Variants in RHOH observed in about 807,000 individuals in gnomAD.
The protein encoded by RHOH is ras homolog family member H.
Under a neutral mutation model 13.8 loss-of-function variants are expected in RHOH, and 6 were observed. The ratio of observed to expected loss-of-function variants is 0.44; its 90% confidence interval spans 0.24 to 0.86. The LOEUF is 0.86. Ranked by LOEUF, RHOH falls within the 40% of genes least tolerant of loss-of-function variation. The pLI, the probability that RHOH is intolerant of heterozygous loss-of-function variation, is 0.24. For synonymous variants in RHOH, 117 were observed against 103.0 expected (o/e 1.14, Z -0.82); for missense variants, 147 against 244.5 (o/e 0.60, Z 2.66).
rs75925798 is a variant in RHOH, at chr4:40,224,414, T to C, written c.-330-18300T>C. Among the ~76,000 whole-genome samples, 828 of 152,352 alleles carry C rather than the reference T, an allele frequency of 5.4e-3. 22 individuals carry two copies. Among genetic ancestry groups the C allele is most frequent in the South Asian group, 0.042 (202 of 4,828 alleles). The stretch of plus-strand genomic sequence containing the variant: ...ACATCAGTACAACGTGTTGAAAGAA[T>C]TGGAATTGCTGGATTAAAAGGTCTC... On this transcript the variant is annotated intron_variant, in intron 1 of 2. Coordinates refer to ENST00000381799, the MANE Select transcript of RHOH (RefSeq NM_004310.5).
At position 40,244,824 on chromosome 4, in the gene RHOH, G is replaced by C. The variant is rs1400894626; in HGVS notation, c.*862G>C. The C allele has an allele frequency of 1.2e-5, 2 of 171,968 alleles. No homozygotes were observed. The highest frequency in any genetic ancestry group is 6.4e-5 in the Admixed American group (1 of 15,722). The allele number at this position is 171,968 out of a possible 1,614,324, so 10.7% of individuals were successfully genotyped here. On this transcript the variant is annotated 3_prime_UTR_variant, in exon 3 of 3. Coordinates refer to ENST00000381799, the MANE Select transcript of RHOH (RefSeq NM_004310.5). ...AGAGTGTCACTTTCACTTCTGGTAG[G>C]GTGGTTCCCAGGCGACTGCAGGTCC...
intron 1 of RHOH, among the ~76,000 whole-genome samples, chr4:40,215,543 C>T (rs1725772299): frequency 6.6e-6 from 1 of 152,196 alleles, no homozygotes; most frequent in Non-Finnish European, 1.5e-5. Context: ...GGTAATGCCC[C>T]TCTCCAGTTT....
chr4:40,202,036 G>A (rs1724076405), intron 1 of RHOH, among the ~76,000 whole-genome samples: 2 of 141,812 alleles, frequency 1.4e-5, no homozygotes, highest in Admixed American at 1.5e-4. Context: ...ACTCAGCCTT[G>A]ACCTCCTGTG....
intron 1 of RHOH, among the ~76,000 whole-genome samples, chr4:40,237,784 T>A (rs10033592): frequency 6.6e-6 from 1 of 151,576 alleles, no homozygotes; most frequent in Admixed American, 6.6e-5. Flanking sequence ...GGCGATGGAC[T>A]CATATTTTTA....
intron 1 of RHOH, among the ~76,000 whole-genome samples, chr4:40,229,441 G>GA (rs1288893205): frequency 6.6e-6 from 1 of 152,006 alleles, no homozygotes; most frequent in Non-Finnish European, 1.5e-5. Context: ...TTTGAGACCA[G>GA]CCTGACCAAC....
intron 1 of RHOH, among the ~76,000 whole-genome samples, chr4:40,207,651 G>T (rs1215283143): frequency 1.3e-5 from 2 of 152,340 alleles, no homozygotes; most frequent in African/African-American, 4.8e-5. Flanking sequence ...GCAGGGGCTA[G>T]ATGCTTGTGG....
chr4:40,239,840 T>G (rs1320525865), intron 1 of RHOH, among the ~76,000 whole-genome samples: 1 of 151,200 alleles, frequency 6.6e-6, no homozygotes, highest in Non-Finnish European at 1.5e-5. Flanking sequence ...ATCACACCAC[T>G]GCACTCCAGC....
chr4:40,213,611 G>A (rs1352255522), intron 1 of RHOH, among the ~76,000 whole-genome samples: 2 of 152,072 alleles, frequency 1.3e-5, no homozygotes, highest in African/African-American at 2.4e-5. Flanking sequence ...CCAAAGAATC[G>A]CTCTGGTGAG....
chr4:40,197,145 A>C lies in RHOH; in HGVS notation c.-486A>C, dbSNP rs1723234453. ...GTTCTTCCAGTGTGAATCAGTTAAT[A>C]TTCTCGGGAACGAGGGAGAGGTTGA... On this transcript the variant is annotated 5_prime_UTR_variant, in exon 1 of 3. Coordinates refer to ENST00000381799, the MANE Select transcript of RHOH (RefSeq NM_004310.5). The C allele has an allele frequency of 6.6e-6, 1 of 152,252 alleles. No homozygotes were observed. Among genetic ancestry groups the C allele is most frequent in the African/African-American group, 2.4e-5 (1 of 41,460 alleles). 9.4% of individuals were successfully genotyped at this position (152,252 alleles called of 1,614,324 possible). A position where few individuals can be genotyped will look rare whatever the true frequency, so the allele number is the denominator to read the frequency against.
At chr4:40,238,833 C>T (rs899251063) in intron 1 of RHOH, among the ~76,000 whole-genome samples, 2 of 152,138 alleles carry the variant, frequency 1.3e-5, no homozygotes, top group African/African-American at 4.8e-5. Context: ...GGAAATACCA[C>T]GGAAGACTCA....
chr4:40,208,798 A>G (rs1486130795), intron 1 of RHOH, among the ~76,000 whole-genome samples: 1 of 152,174 alleles, frequency 6.6e-6, no homozygotes, highest in Non-Finnish European at 1.5e-5. Flanking sequence ...AAACAACTTA[A>G]AATGCCCAAC....
chr4:40,214,692 G>C (rs554569744), intron 1 of RHOH, among the ~76,000 whole-genome samples: 1 of 152,310 alleles, frequency 6.6e-6, no homozygotes, highest in Admixed American at 6.5e-5. Flanking sequence ...TCATATTCTG[G>C]CAGTGCCCAT....
intron 1 of RHOH, among the ~76,000 whole-genome samples, chr4:40,238,250 A>C (rs900406878): frequency 2.0e-5 from 3 of 152,044 alleles, no homozygotes; most frequent in Admixed American, 6.6e-5. Flanking sequence ...ACTGGTGGTC[A>C]AGGAAGGCTT....
At position 40,218,263 on chromosome 4, in the gene RHOH, C is replaced by T. The variant is rs994272438; in HGVS notation, c.-331+20963C>T. ...CTGCTACTGAGAGTCTGCAGATGAGCTGGTGGTTTCTCCAAGCTTCCGAGA... is the reference window on the plus strand; with the variant it reads ...CTGCTACTGAGAGTCTGCAGATGAGTTGGTGGTTTCTCCAAGCTTCCGAGA... On this transcript the variant is annotated intron_variant, in intron 1 of 2. Transcript: ENST00000381799. The surrounding 1 kb of genome is among the most constrained non-coding windows in gnomAD (Gnocchi z 4.1). 6.6e-6 allele frequency: 1 copy of T among 152,226 alleles called. No individual in the cohort carries two copies. The highest frequency in any genetic ancestry group is 2.4e-5 in the African/African-American group (1 of 41,422). 9.4% of individuals were successfully genotyped at this position (152,226 alleles called of 1,614,324 possible).
intron 1 of RHOH, among the ~76,000 whole-genome samples, chr4:40,219,058 T>TAGTAATTGTAA (rs1726217381): frequency 1.3e-5 from 2 of 152,222 alleles, no homozygotes; most frequent in Admixed American, 1.3e-4. Context: ...ATTTACAATC[T>TAGTAATTGTAA]ATTACTAAGT....
At chr4:40,229,634 C>CA (rs367803825) in intron 1 of RHOH, among the ~76,000 whole-genome samples, 3,491 of 62,570 alleles carry the variant, frequency 0.056, 134 homozygotes, top group African/African-American at 0.15. Context: ...AACGCCATCT[C>CA]AAAAAAAAAA....
chr4:40,225,469 T>G (rs964402164), intron 1 of RHOH, among the ~76,000 whole-genome samples: 7 of 152,194 alleles, frequency 4.6e-5, no homozygotes, highest in Non-Finnish European at 1.0e-4. Context: ...ATAAACAGTC[T>G]GTTCCTGATT....
chr4:40,241,547 A>C (rs1350632581), intron 1 of RHOH, among the ~76,000 whole-genome samples: 2 of 152,232 alleles, frequency 1.3e-5, no homozygotes, highest in East Asian at 3.8e-4. Flanking sequence ...CATTTGCAAA[A>C]GCTATTAGGT....
chr4:40,198,100 T>C (rs1723455745), intron 1 of RHOH, among the ~76,000 whole-genome samples: 1 of 152,238 alleles, frequency 6.6e-6, no homozygotes, highest in Non-Finnish European at 1.5e-5. Context: ...GAAGTAAAAT[T>C]TAGGAAGCAA....
Sources: gnomAD v4.1 joint callset for allele counts (sites outside exome capture counted in the v4.1 genomes callset) on GRCh38, gnomAD v4.1.1 for gene constraint, Gnocchi (gnomAD v3.1) non-coding constraint, MANE v1.5 for transcripts, NCBI Gene and HGNC (gene_info 2026-07-23, HGNC 2026-07-21) for gene names.